OMA1: variants seen among roughly 807,000 people sequenced by gnomAD.
OMA1 encodes the protein metalloendopeptidase OMA1, mitochondrial.
In OMA1, 38 loss-of-function variants were observed where a neutral mutation model predicts 30.9. The observed-to-expected ratio is 1.23, with a 90% CI of 0.95 to 1.61. OMA1 has a LOEUF of 1.61. Ranked by LOEUF, OMA1 falls within the 40% of genes most tolerant of loss-of-function variation. OMA1 has a pLI of 0.00. For synonymous variants in OMA1, 173 were observed against 121.9 expected (o/e 1.42, Z -2.76); for missense variants, 461 against 349.2 (o/e 1.32, Z -2.55).
intron 7 of OMA1, among the ~76,000 whole-genome samples, chr1:58,517,047 G>A (rs1054485132): frequency 6.6e-6 from 1 of 152,078 alleles, no homozygotes; most frequent in African/African-American, 2.4e-5. Flanking sequence ...CCAAAAAAAG[G>A]ATACAAGCCA....
At chr1:58,486,153 TATC>T (rs1432840149) in intron 8 of OMA1, among the ~76,000 whole-genome samples, 1 of 152,214 alleles carries the variant, frequency 6.6e-6, no homozygotes, top group African/African-American at 2.4e-5. Flanking sequence ...ATAAAATACT[TATC>T]ATTAAAATGT....
Position 58,511,107 on chromosome 1 carries a change from TATAGA to T in OMA1, c.1216-4903_1216-4899del, listed in dbSNP as rs1025655438. ...ATGAAAATCCCATTGGCACTTTTCT[TATAGA>T]AACAGAAAAAACGATCCTAAAATTC... On this transcript the variant is annotated intron_variant, in intron 7 of 8. Transcript: ENST00000371226. Among the ~76,000 whole-genome samples, 185 of 152,238 alleles carry T rather than the reference TATAGA, an allele frequency of 1.2e-3. 1 individual carries two copies. Among genetic ancestry groups the T allele is most frequent in the African/African-American group, 4.4e-3 (181 of 41,562 alleles).
intron 8 of OMA1, among the ~76,000 whole-genome samples, chr1:58,489,752 G>A (rs1645644525): frequency 6.6e-6 from 1 of 152,188 alleles, no homozygotes; most frequent in Admixed American, 6.5e-5. Flanking sequence ...AACTTCCAGA[G>A]GAATGATGAG....
intron 3 of OMA1, among the ~76,000 whole-genome samples, chr1:58,535,599 A>AC (rs1351072884): frequency 1.3e-5 from 2 of 150,688 alleles, no homozygotes; most frequent in Non-Finnish European, 3.0e-5. Flanking sequence ...CTGTCTCAAA[A>AC]AAAAAAAAAA....
At position 58,541,219 on chromosome 1, in the gene OMA1, G is replaced by A. The variant is rs532163295; in HGVS notation, c.-16-1909C>T. 2.4e-3 allele frequency among the ~76,000 whole-genome samples: 334 copies of A among 137,166 alleles called. 2 individuals carry two copies. Among genetic ancestry groups the A allele is most frequent in the African/African-American group, 8.0e-3 (300 of 37,384 alleles). 90.0% of individuals were successfully genotyped at this position (137,166 alleles called of 152,430 possible). On this transcript the variant is annotated intron_variant, in intron 1 of 8. Transcript: ENST00000371226. ...TGAGGCAGGAGAATCGCTTGAACCC[G>A]GGAGGCGGAGGTTGCAGTGAGCCGA...
At chr1:58,529,799 A>G (rs879791171) in intron 6 of OMA1, among the ~76,000 whole-genome samples, 1 of 152,252 alleles carries the variant, frequency 6.6e-6, no homozygotes, top group Non-Finnish European at 1.5e-5. Context: ...TAGCATTTAC[A>G]TTGAATTACA....
At chr1:58,516,712 C>G (rs1044960801) in intron 7 of OMA1, among the ~76,000 whole-genome samples, 1 of 152,108 alleles carries the variant, frequency 6.6e-6, no homozygotes, top group African/African-American at 2.4e-5. Flanking sequence ...ACGTTGAAAC[C>G]TCATAAATCC....
chr1:58,502,413 C>T (rs771405162), intron 8 of OMA1, among the ~76,000 whole-genome samples: 1 of 152,164 alleles, frequency 6.6e-6, no homozygotes. Flanking sequence ...ATTCTCATTG[C>T]TTCAACTATC....
chr1:58,490,291 G>T (rs1279977745), intron 8 of OMA1, among the ~76,000 whole-genome samples: 1 of 152,168 alleles, frequency 6.6e-6, no homozygotes, highest in Non-Finnish European at 1.5e-5. Context: ...ACTACGTGAC[G>T]AATGCACAAG....
intron 8 of OMA1, among the ~76,000 whole-genome samples, chr1:58,500,759 C>T (rs1238334510): frequency 6.6e-6 from 1 of 152,048 alleles, no homozygotes; most frequent in Non-Finnish European, 1.5e-5. Context: ...CTTCACCCAA[C>T]AAAGAGGGGA....
intron 3 of OMA1, among the ~76,000 whole-genome samples, chr1:58,535,284 A>G (rs986421132): frequency 6.6e-6 from 1 of 152,194 alleles, no homozygotes; most frequent in East Asian, 1.9e-4. Flanking sequence ...TAACTTTCAT[A>G]AAGTGTATGC....
chr1:58,529,433 A>G (rs1646399509), intron 6 of OMA1, among the ~76,000 whole-genome samples: 1 of 152,280 alleles, frequency 6.6e-6, no homozygotes, highest in Non-Finnish European at 1.5e-5. Context: ...TCAGTATTAC[A>G]GTGTTTTGGA....
intron 8 of OMA1, among the ~76,000 whole-genome samples, chr1:58,500,043 G>A (rs748199615): frequency 6.6e-6 from 1 of 152,080 alleles, no homozygotes; most frequent in Non-Finnish European, 1.5e-5. Flanking sequence ...CAGAAAGCAA[G>A]ACATTTCAAG....
At chr1:58,531,759 G>C (rs1646438054) in intron 5 of OMA1, among the ~76,000 whole-genome samples, 1 of 151,966 alleles carries the variant, frequency 6.6e-6, no homozygotes, top group Admixed American at 6.6e-5. Context: ...GCCCAAGCTG[G>C]AGTGCAGTGG....
intron 5 of OMA1, among the ~76,000 whole-genome samples, chr1:58,531,909 A>C (rs1231269902): frequency 6.6e-6 from 1 of 151,896 alleles, no homozygotes; most frequent in East Asian, 1.9e-4. Context: ...GAGTTTCACC[A>C]TGTTGGCCAG....
At chr1:58,530,755 C>T (rs2271005) in intron 5 of OMA1, 26 bp from the exon 6 acceptor site, 100,833 of 865,166 alleles carry the variant, frequency 0.12, 6,263 homozygotes, top group African/African-American at 0.19. Flanking sequence ...ATAATAAAAA[C>T]TACATTTTAT....
At position 58,480,731 on chromosome 1, in the gene OMA1, T is replaced by C. The variant is rs1645465571; in HGVS notation, c.*234A>G. 1 of 345,926 alleles carries C rather than the reference T, an allele frequency of 2.9e-6. No homozygotes were observed. The highest frequency in any genetic ancestry group is 5.2e-6 in the Non-Finnish European group (1 of 193,968). The allele number at this position is 345,926 out of a possible 1,614,324, so 21.4% of individuals were successfully genotyped here. A position where few individuals can be genotyped will look rare whatever the true frequency, so the allele number is the denominator to read the frequency against. ...GTAGAAGACAGAGTAAAATGTGTAA[T>C]ATAAATTTATTCTGTGACATTTTCC... On this transcript the variant is annotated 3_prime_UTR_variant, in exon 9 of 9. Coordinates refer to ENST00000371226, the MANE Select transcript of OMA1 (RefSeq NM_145243.5).
chr1:58,521,731 T>A (rs776450128), intron 7 of OMA1, among the ~76,000 whole-genome samples: 1 of 152,142 alleles, frequency 6.6e-6, no homozygotes, highest in African/African-American at 2.4e-5. Context: ...AAAATCTGAA[T>A]AGTTCTATAT....
At chr1:58,494,584 C>G (rs1390088970) in intron 8 of OMA1, among the ~76,000 whole-genome samples, 1 of 150,056 alleles carries the variant, frequency 6.7e-6, no homozygotes. Context: ...AAAAAACAAA[C>G]AACCCCATCA....
Sources: gnomAD v4.1 joint callset for allele counts (sites outside exome capture counted in the v4.1 genomes callset) on GRCh38, gnomAD v4.1.1 for gene constraint, MANE v1.5 for transcripts, NCBI Gene and HGNC (gene_info 2026-07-23, HGNC 2026-07-21) for gene names.